GRIA4: variants seen among roughly 807,000 people sequenced by gnomAD.
GRIA4 encodes the protein glutamate ionotropic receptor AMPA type subunit 4.
GRIA4 carries 34 observed loss-of-function variants against 104.0 expected under a neutral mutation model. The ratio of observed to expected loss-of-function variants is 0.33; its 90% confidence interval spans 0.25 to 0.44. The LOEUF (loss-of-function observed/expected upper bound fraction) is 0.44. GRIA4 is among the 20% of genes least tolerant of loss of function. GRIA4 has a pLI of 1.00. For synonymous variants in GRIA4, 386 were observed against 381.9 expected (o/e 1.01, Z -0.13); for missense variants, 750 against 1,096.5 (o/e 0.68, Z 4.46).
chr11:105,726,563 C>T (rs1393222544), intron 3 of GRIA4, among the ~76,000 whole-genome samples: 1 of 152,196 alleles, frequency 6.6e-6, no homozygotes, highest in African/African-American at 2.4e-5. Flanking sequence ...ACTTCTTCCT[C>T]AAGTGGGTCC....
At position 105,933,985 on chromosome 11, in the gene GRIA4, T is replaced by A; in HGVS notation, c.2294+16T>A. On this transcript the variant is annotated intron_variant, in intron 14 of 16. Transcript: ENST00000282499. The stretch of plus-strand genomic sequence containing the variant: ...CCTCATTAAGGTGGGTGGAATAGTA[T>A]AACAATATAACATGTGTTGTTATAG... 1 of 1,594,178 alleles carries A rather than the reference T, an allele frequency of 6.3e-7. No homozygotes were observed. The highest frequency in any genetic ancestry group is 8.6e-7 in the Non-Finnish European group (1 of 1,166,734).
intron 3 of GRIA4, among the ~76,000 whole-genome samples, chr11:105,667,364 G>C (rs944214243): frequency 5.9e-5 from 9 of 152,008 alleles, no homozygotes; most frequent in Non-Finnish European, 1.3e-4. Flanking sequence ...GGGAGATGAA[G>C]ATATCAAAGA....
intron 4 of GRIA4, among the ~76,000 whole-genome samples, chr11:105,839,444 C>CTT (rs5794431): frequency 0.025 from 3,527 of 140,196 alleles, 115 homozygotes; most frequent in African/African-American, 0.072. Flanking sequence ...CAGTGACTTC[C>CTT]TTTTTTTTTT....
rs539106883 is a variant in GRIA4 at position 105,667,836 on chromosome 11, T to C, written c.247+55402T>C. On this transcript the variant is annotated intron_variant, in intron 3 of 16. Transcript: ENST00000282499. Reference sequence around the variant, plus strand: ...GTTGTCATTTTCTTTCTTTTTAATTTTGTGGTGAGAACTTTTGAAATCTAC... The same window carrying C: ...GTTGTCATTTTCTTTCTTTTTAATTCTGTGGTGAGAACTTTTGAAATCTAC... Among the ~76,000 whole-genome samples, 7 of 152,138 alleles carry C rather than the reference T, an allele frequency of 4.6e-5. No individual in the cohort carries two copies. In the South Asian group the frequency reaches 1.4e-3, roughly 31 times the overall value.
Position 105,928,626 on chromosome 11 carries a change from T to G in GRIA4, c.2046+1687T>G, listed in dbSNP as rs112563427. Among the ~76,000 whole-genome samples, 1,261 of 152,172 alleles carry G rather than the reference T, an allele frequency of 8.3e-3. 23 individuals carry two copies. The highest frequency in any genetic ancestry group is 0.029 in the African/African-American group (1,211 of 41,564). ...TGCACCAAAATAAAATACAAGTTTG[T>G]GCTATCATTTGCACTTTACTGAAAA... On this transcript the variant is annotated intron_variant, in intron 13 of 16. Coordinates refer to ENST00000282499, the MANE Select transcript of GRIA4 (RefSeq NM_000829.4).
Position 105,628,118 on chromosome 11 carries a change from G to C in GRIA4, c.247+15684G>C, listed in dbSNP as rs569969355. ...ACACAAACACACACACACACACACAGAGCCTGCCAAAGGGAAAAATACAGT... is the reference window on the plus strand; with the variant it reads ...ACACAAACACACACACACACACACACAGCCTGCCAAAGGGAAAAATACAGT... On this transcript the variant is annotated intron_variant, in intron 3 of 16. Coordinates refer to ENST00000282499, the MANE Select transcript of GRIA4 (RefSeq NM_000829.4). Among the ~76,000 whole-genome samples, 383 of 151,680 alleles carry C rather than the reference G, an allele frequency of 2.5e-3. 6 individuals are homozygous for C. Among genetic ancestry groups the C allele is most frequent in the Middle Eastern group, 0.024 (7 of 294 alleles).
intron 8 of GRIA4, among the ~76,000 whole-genome samples, chr11:105,904,419 G>A (rs962843835): frequency 2.0e-5 from 3 of 152,138 alleles, no homozygotes; most frequent in Non-Finnish European, 4.4e-5. Context: ...AATATCACCT[G>A]TCCTGCCTAT....
At position 105,918,920 on chromosome 11, in the gene GRIA4, TA is replaced by T; in HGVS notation, c.1476+4del. 1 of 1,559,798 alleles carries T rather than the reference TA, an allele frequency of 6.4e-7. No homozygotes were observed. Among genetic ancestry groups the T allele is most frequent in the Non-Finnish European group, 8.8e-7 (1 of 1,130,870 alleles). On this transcript the variant is annotated splice_donor_region_variant and intron_variant, in intron 11 of 16. Transcript: ENST00000282499. Reference sequence around the variant, plus strand: ...ATGGTAGGAGAACTTGTTTATGGGGTAAGCAAATCAACTTATTGAAGAATTT... The same window carrying T: ...ATGGTAGGAGAACTTGTTTATGGGGTAGCAAATCAACTTATTGAAGAATTT...
intron 3 of GRIA4, among the ~76,000 whole-genome samples, chr11:105,736,043 A>T (rs1938913954): frequency 6.6e-6 from 1 of 152,200 alleles, no homozygotes; most frequent in Non-Finnish European, 1.5e-5. Flanking sequence ...AAATAAATAA[A>T]TGTTTTAATT....
chr11:105,911,967 T>G lies in GRIA4; in HGVS notation c.1269+1422T>G, dbSNP rs991314494. ...ATTCCTAACTAAGGCTCAAGTCTTG[T>G]TCTCCAGTGTAGTAAATTTAAGCTT... On this transcript the variant is annotated intron_variant, in intron 10 of 16. Coordinates refer to ENST00000282499, the MANE Select transcript of GRIA4 (RefSeq NM_000829.4). 2.3e-5 allele frequency: 35 copies of G among 1,506,992 alleles called. No individual in the cohort carries two copies. In the East Asian group the frequency reaches 8.0e-4, roughly 35 times the overall value. 93.4% of individuals were successfully genotyped at this position (1,506,992 alleles called of 1,614,324 possible).
intron 3 of GRIA4, among the ~76,000 whole-genome samples, chr11:105,652,505 C>A (rs148038872): frequency 2.2e-4 from 34 of 152,234 alleles, no homozygotes; most frequent in African/African-American, 7.9e-4. Flanking sequence ...TGTGGTTAAT[C>A]AGAATGAAGA....
chr11:105,646,464 A>G (rs1951531391), intron 3 of GRIA4, among the ~76,000 whole-genome samples: 1 of 152,110 alleles, frequency 6.6e-6, no homozygotes, highest in African/African-American at 2.4e-5. Context: ...CCCAATAGCC[A>G]TGGAAATCCT....
Position 105,612,272 on chromosome 11 carries a change from A to T in GRIA4, c.89-4A>T. 1.2e-6 allele frequency: 2 copies of T among 1,613,840 alleles called. No homozygotes were observed. Among genetic ancestry groups the T allele is most frequent in the Non-Finnish European group, 1.7e-6 (2 of 1,179,784 alleles). On this transcript the variant is annotated splice_region_variant and splice_polypyrimidine_tract_variant and intron_variant, in intron 2 of 16. Coordinates refer to ENST00000282499, the MANE Select transcript of GRIA4 (RefSeq NM_000829.4). Reference sequence around the variant, plus strand: ...GAATGTGCTTTTCCTGCTGTTTTTAATAGGTGGTCTCTTCATCCGAAACAC... The same window carrying T: ...GAATGTGCTTTTCCTGCTGTTTTTATTAGGTGGTCTCTTCATCCGAAACAC...
intron 3 of GRIA4, among the ~76,000 whole-genome samples, chr11:105,642,346 T>C (rs1260561961): frequency 6.6e-6 from 1 of 151,990 alleles, no homozygotes; most frequent in Non-Finnish European, 1.5e-5. Flanking sequence ...CCCTTATTTA[T>C]GAAACAAGCT....
At chr11:105,750,502 GAATA>G (rs1685974987) in intron 3 of GRIA4, among the ~76,000 whole-genome samples, 1 of 152,000 alleles carries the variant, frequency 6.6e-6, no homozygotes, top group South Asian at 2.1e-4. Flanking sequence ...ATGAAAAGGA[GAATA>G]AATAGAAATG....
intron 4 of GRIA4, among the ~76,000 whole-genome samples, chr11:105,778,911 A>G (rs1463437116): frequency 2.1e-5 from 3 of 144,938 alleles, no homozygotes; most frequent in African/African-American, 7.5e-5. Context: ...CATTAGGTAT[A>G]TCTCCTAATA....
intron 4 of GRIA4, among the ~76,000 whole-genome samples, chr11:105,756,175 C>T (rs141699931): frequency 1.0e-3 from 152 of 152,298 alleles, no homozygotes; most frequent in African/African-American, 3.3e-3. Flanking sequence ...AAGCAGATAT[C>T]TCCAAGGAAT....
chr11:105,642,506 A>G (rs1951396558), intron 3 of GRIA4, among the ~76,000 whole-genome samples: 1 of 138,108 alleles, frequency 7.2e-6, no homozygotes, highest in African/African-American at 2.7e-5. Context: ...TTTCTTAACT[A>G]GGCTATATAA....
chr11:105,894,791 A>ATTT lies in GRIA4; in HGVS notation c.727-3461_727-3459dup, dbSNP rs569292239. On this transcript the variant is annotated intron_variant, in intron 6 of 16. Transcript: ENST00000282499. Reference sequence around the variant, plus strand: ...TCTAACTGCAGGATTATTGCTACATATTTTTTTTTTTTTTTTTTTGAGACG... The same window carrying ATTT: ...TCTAACTGCAGGATTATTGCTACATATTTTTTTTTTTTTTTTTTTTTTGAGACG... 6.8e-3 allele frequency among the ~76,000 whole-genome samples: 863 copies of ATTT among 126,348 alleles called. 70 individuals are homozygous for ATTT. The highest frequency in any genetic ancestry group is 0.026 in the African/African-American group (823 of 31,766). 82.9% of individuals were successfully genotyped at this position (126,348 alleles called of 152,430 possible).
Sources: allele counts gnomAD v4.1 joint callset (sites outside exome capture counted in the v4.1 genomes callset), GRCh38; gene constraint gnomAD v4.1.1; transcripts MANE v1.5; gene names NCBI Gene and HGNC (gene_info 2026-07-23, HGNC 2026-07-21).